The following ARB2A variants were observed in gnomAD, a reference collection of about 807,000 sequenced individuals.
ARB2A encodes ARB2 cotranscriptional regulator A.
At chr5:93,740,601 G>T in the ARB2A span, 1 of 1,598,880 alleles carries the variant, frequency 6.3e-7, no homozygotes, top group Non-Finnish European at 8.6e-7. Context: ...GGCCCAGAGT[G>T]GTGGCTGGGG....
the ARB2A span, among the ~76,000 whole-genome samples, chr5:94,037,138 T>C: frequency 6.6e-6 from 1 of 152,170 alleles, no homozygotes; most frequent in Non-Finnish European, 1.5e-5. Flanking sequence ...GGTCTGTGGG[T>C]CTGTTCATAT....
chr5:94,037,453 A>T, the ARB2A span, among the ~76,000 whole-genome samples: 4 of 152,156 alleles, frequency 2.6e-5, no homozygotes, highest in African/African-American at 7.2e-5. Context: ...TATAACAGCA[A>T]TAATAAATTA....
chr5:93,784,478 C>T, the ARB2A span: 2 of 1,612,634 alleles, frequency 1.2e-6, no homozygotes, highest in Non-Finnish European at 1.7e-6. Flanking sequence ...TTATTTTTTA[C>T]ATCGGCTTCT....
the ARB2A span, among the ~76,000 whole-genome samples, chr5:93,698,356 A>G: frequency 1.3e-5 from 2 of 152,224 alleles, no homozygotes; most frequent in East Asian, 3.8e-4. Flanking sequence ...CAAAGCTTAC[A>G]TTCTAGTGAG....
the ARB2A span, among the ~76,000 whole-genome samples, chr5:93,690,845 A>G: frequency 6.6e-6 from 1 of 152,142 alleles, no homozygotes; most frequent in Non-Finnish European, 1.5e-5. Flanking sequence ...AGAGGAAGGA[A>G]CAGACAGCAA....
chr5:93,995,501 T>A, the ARB2A span, among the ~76,000 whole-genome samples: 2 of 152,338 alleles, frequency 1.3e-5, no homozygotes, highest in South Asian at 4.1e-4. Flanking sequence ...GCAGCTGTGG[T>A]TGACTGCCAT....
chr5:94,065,502 A>T, the ARB2A span, among the ~76,000 whole-genome samples: 1 of 152,202 alleles, frequency 6.6e-6, no homozygotes, highest in African/African-American at 2.4e-5. Context: ...TGACACAGTG[A>T]GACCCTGTCT....
the ARB2A span, among the ~76,000 whole-genome samples, chr5:93,670,511 A>G: frequency 1.9e-3 from 287 of 152,304 alleles, 1 homozygote; most frequent in Non-Finnish European, 8.4e-4. Flanking sequence ...TTGAAGGTAA[A>G]GGAAATATAT....
At chr5:93,999,766 A>G in the ARB2A span, among the ~76,000 whole-genome samples, 1 of 152,060 alleles carries the variant, frequency 6.6e-6, no homozygotes, top group South Asian at 2.1e-4. Flanking sequence ...ACATGTATCC[A>G]TGATTACAGT....
At chr5:93,659,868 C>T in the ARB2A span, among the ~76,000 whole-genome samples, 2 of 152,134 alleles carry the variant, frequency 1.3e-5, no homozygotes, top group Admixed American at 6.6e-5. Context: ...TACTAAACTA[C>T]CCCTACTCTT....
At chr5:94,037,861 T>C in the ARB2A span, among the ~76,000 whole-genome samples, 1 of 152,134 alleles carries the variant, frequency 6.6e-6, no homozygotes, top group African/African-American at 2.4e-5. Flanking sequence ...CATTGTTTAA[T>C]CTCATTTTTT....
the ARB2A span, among the ~76,000 whole-genome samples, chr5:93,927,322 T>A: frequency 6.6e-6 from 1 of 152,138 alleles, no homozygotes; most frequent in African/African-American, 2.4e-5. Context: ...GGAGGAAACA[T>A]TTAACCTCCC....
the ARB2A span, among the ~76,000 whole-genome samples, chr5:93,859,735 A>G: frequency 6.6e-6 from 1 of 152,250 alleles, no homozygotes; most frequent in Non-Finnish European, 1.5e-5. Flanking sequence ...GTAATAAGGA[A>G]AATGCTAACT....
chr5:93,869,571 A>C, the ARB2A span, among the ~76,000 whole-genome samples: 21 of 152,144 alleles, frequency 1.4e-4, no homozygotes, highest in African/African-American at 5.1e-4. Flanking sequence ...TACTTCTTTT[A>C]ATTCTAACAA....
At chr5:93,696,610 C>T in the ARB2A span, among the ~76,000 whole-genome samples, 1 of 152,144 alleles carries the variant, frequency 6.6e-6, no homozygotes, top group Admixed American at 6.5e-5. Context: ...CAATGTGTCA[C>T]TCATTCTTGG....
At chr5:93,965,388 C>T in the ARB2A span, among the ~76,000 whole-genome samples, 2 of 152,064 alleles carry the variant, frequency 1.3e-5, no homozygotes, top group East Asian at 1.9e-4. Context: ...AAGCAGTAAA[C>T]GAATTCTCCC....
the ARB2A span, among the ~76,000 whole-genome samples, chr5:93,629,993 G>A: frequency 6.6e-6 from 1 of 152,042 alleles, no homozygotes; most frequent in Non-Finnish European, 1.5e-5. Context: ...GAGTCCCATT[G>A]GGATTAACTA....
the ARB2A span, among the ~76,000 whole-genome samples, chr5:93,652,042 A>G: frequency 6.6e-6 from 1 of 152,198 alleles, no homozygotes; most frequent in Non-Finnish European, 1.5e-5. Context: ...GTGATGGGAC[A>G]AAGAGAAAAT....
the ARB2A span, among the ~76,000 whole-genome samples, chr5:94,032,069 C>T: frequency 6.6e-6 from 1 of 152,116 alleles, no homozygotes; most frequent in African/African-American, 2.4e-5. Context: ...AATCCTAATG[C>T]AGGAATGGAG....
Sources: gnomAD v4.1 joint callset for allele counts (sites outside exome capture counted in the v4.1 genomes callset) on GRCh38, gnomAD v4.1.1 for gene constraint, MANE v1.5 for transcripts, NCBI Gene and HGNC (gene_info 2026-07-23, HGNC 2026-07-21) for gene names.